Variants in FHL1 observed in about 807,000 individuals in gnomAD.
The protein encoded by FHL1 is four and a half LIM domains 1.
A neutral mutation model predicts 20.3 loss-of-function variants in FHL1; 1 was observed. The ratio of observed to expected loss-of-function variants is 0.05; its 90% CI spans 0.02 to 0.23. The LOEUF is 0.23. FHL1 is among the 10% of genes least tolerant of loss of function. The probability of loss-of-function intolerance (pLI) is 1.00; values close to 1 mark genes in which losing one functional copy is unlikely to be tolerated. For missense variants in FHL1, 177 were observed against 234.0 expected (o/e 0.76, Z 1.59); for synonymous variants, 82 against 88.9 (o/e 0.92, Z 0.44).
chrX:136,162,514 ATG>A (rs1397130847), intron 1 of FHL1, among the ~76,000 whole-genome samples: 6 of 111,514 alleles, frequency 5.4e-5, no homozygotes, highest in Non-Finnish European at 7.5e-5. Flanking sequence ...TGGTGAGGTG[ATG>A]TGTGTTTGTA....
chrX:136,201,704 C>A (rs1351239681), intron 1 of FHL1, among the ~76,000 whole-genome samples: 1 of 110,307 alleles, frequency 9.1e-6, no homozygotes, highest in African/African-American at 3.3e-5. Context: ...GGTGGGGGGC[C>A]CTCTCTTGCC....
intron 1 of FHL1, among the ~76,000 whole-genome samples, chrX:136,154,911 T>C (rs1311960880): frequency 1.8e-5 from 2 of 112,047 alleles, no homozygotes; most frequent in East Asian, 5.6e-4. Context: ...TTCACCATGT[T>C]GGCCAGGCTG....
At chrX:136,169,847 G>A (rs896492673) in intron 1 of FHL1, 4 of 329,701 alleles carry the variant, frequency 1.2e-5, no homozygotes, top group African/African-American at 1.1e-4. Flanking sequence ...TTAGAATTCA[G>A]AACTTTGCTT....
chrX:136,177,102 T>C (rs1569529025), intron 2 of FHL1, among the ~76,000 whole-genome samples: 1 of 110,512 alleles, frequency 9.0e-6, no homozygotes, highest in Non-Finnish European at 1.9e-5. Flanking sequence ...ATTTAGTTAA[T>C]GTGAATGAAC....
chrX:136,185,745 A>G (rs1404973817), intron 2 of FHL1, among the ~76,000 whole-genome samples: 1 of 112,346 alleles, frequency 8.9e-6, no homozygotes, highest in East Asian at 2.8e-4. Flanking sequence ...AAAAACAATG[A>G]CAGGGTTAAT....
intron 2 of FHL1, among the ~76,000 whole-genome samples, chrX:136,180,150 C>T (rs544914613): frequency 8.9e-6 from 1 of 112,055 alleles, no homozygotes; most frequent in East Asian, 2.8e-4. Flanking sequence ...TTTTCAGACC[C>T]TGGGAGTTTC....
At chrX:136,191,386 T>TC (rs2073427602) in intron 2 of FHL1, among the ~76,000 whole-genome samples, 1 of 111,601 alleles carries the variant, frequency 9.0e-6, no homozygotes, top group African/African-American at 3.3e-5. Flanking sequence ...AATCTGGATT[T>TC]CCCCTGCTAT....
intron 2 of FHL1, among the ~76,000 whole-genome samples, chrX:136,190,398 C>T (rs960739985): frequency 8.9e-6 from 1 of 112,101 alleles, no homozygotes; most frequent in East Asian, 2.8e-4. Flanking sequence ...CTCAGCTCTG[C>T]GTCAACTACT....
chrX:136,162,104 CAGAG>C (rs1194678330), intron 1 of FHL1, among the ~76,000 whole-genome samples: 1 of 77,158 alleles, frequency 1.3e-5, no homozygotes, highest in African/African-American at 5.0e-5. Flanking sequence ...GCCTGGGCGA[CAGAG>C]AGAGACCCTG....
chrX:136,209,039 C>G (rs1459678998), intron 5 of FHL1: 13 of 433,239 alleles, frequency 3.0e-5, no homozygotes, highest in Non-Finnish European at 5.1e-5. Context: ...TAGCTGAAGG[C>G]TAGTTCAGAG....
At chrX:136,195,893 G>T (rs2148349251), upstream of FHL1, among the ~76,000 whole-genome samples, 1 of 111,843 alleles carries the variant, frequency 8.9e-6, no homozygotes, top group South Asian at 3.8e-4. Context: ...GAAGTTGAGT[G>T]GCCAAAACCA....
At chrX:136,185,641 A>G (rs1045541486) in intron 2 of FHL1, among the ~76,000 whole-genome samples, 2 of 112,012 alleles carry the variant, frequency 1.8e-5, no homozygotes, top group African/African-American at 3.2e-5. Context: ...CCTGGCTTCA[A>G]TTAGTTATGT....
chrX:136,155,850 G>A (rs2072402616), intron 1 of FHL1, among the ~76,000 whole-genome samples: 1 of 107,023 alleles, frequency 9.3e-6, no homozygotes, highest in South Asian at 4.0e-4. Flanking sequence ...AGTATCTCCT[G>A]TCGGCATTTT....
At chrX:136,206,303 C>A (rs1280724112) in intron 1 of FHL1, 104 bp from the exon 2 acceptor site, 3 of 1,024,263 alleles carry the variant, frequency 2.9e-6, no homozygotes, top group African/African-American at 3.7e-5. Flanking sequence ...GTCCTCAGAC[C>A]CCATGGACTC....
chrX:136,154,802 C>T (rs981458243), intron 1 of FHL1, among the ~76,000 whole-genome samples: 1 of 110,290 alleles, frequency 9.1e-6, no homozygotes, highest in African/African-American at 3.3e-5. Context: ...CGCCTCCTAG[C>T]ATCAACCGAT....
chrX:136,165,148 T>A (rs1399401071), upstream of FHL1, among the ~76,000 whole-genome samples: 1 of 112,234 alleles, frequency 8.9e-6, no homozygotes, highest in Non-Finnish European at 1.9e-5. Flanking sequence ...ATTATATTTC[T>A]ATAACTGGTA....
chrX:136,191,001 C>A (rs1569529556), intron 2 of FHL1, among the ~76,000 whole-genome samples: 1 of 111,687 alleles, frequency 9.0e-6, no homozygotes, highest in Non-Finnish European at 1.9e-5. Context: ...CCAATCCTCT[C>A]CAACTTGTGG....
chrX:136,164,804 A>G (rs1486249490), upstream of FHL1, among the ~76,000 whole-genome samples: 5 of 112,202 alleles, frequency 4.5e-5, no homozygotes, highest in African/African-American at 1.6e-4. Flanking sequence ...AGTTGCATAT[A>G]TTCCTATGCA....
At chrX:136,165,781 T>A (rs2148289416), upstream of FHL1, among the ~76,000 whole-genome samples, 1 of 112,430 alleles carries the variant, frequency 8.9e-6, no homozygotes, top group South Asian at 3.7e-4. Context: ...TTGTCAGTAG[T>A]GATAAGGGTC....
Sources: gnomAD v4.1 joint callset for allele counts (sites outside exome capture counted in the v4.1 genomes callset) on GRCh38, gnomAD v4.1.1 for gene constraint, MANE v1.5 for transcripts, NCBI Gene and HGNC (gene_info 2026-07-23, HGNC 2026-07-21) for gene names.